INPP4B: variants seen among roughly 807,000 people sequenced by gnomAD.
The protein encoded by INPP4B is inositol polyphosphate 4-phosphatase type II.
In INPP4B, 55 loss-of-function variants were observed where a neutral mutation model predicts 122.5. The observed-to-expected ratio is 0.45, with a 90% confidence interval of 0.36 to 0.56. INPP4B has a LOEUF of 0.56. Among genes scored for constraint, INPP4B ranks in the 20% least tolerant of loss-of-function variants. INPP4B has a pLI of 0.00. For synonymous variants in INPP4B, 403 were observed against 388.7 expected, an observed-to-expected ratio of 1.04 and a Z score of -0.43; for missense variants, 1,000 against 1,097.7, an observed-to-expected ratio of 0.91 and a Z score of 1.26.
At chr4:142,474,431 C>T (rs1168461857) in intron 2 of INPP4B, 1 of 151,644 alleles carries the variant, frequency 6.6e-6, no homozygotes, top group African/African-American at 2.4e-5. Flanking sequence ...CAGGCACAGC[C>T]TCCTGTTGTC....
chr4:142,524,900 G>A (rs1332108699), intron 2 of INPP4B, among the ~76,000 whole-genome samples: 2 of 151,950 alleles, frequency 1.3e-5, no homozygotes, highest in African/African-American at 4.8e-5. Context: ...CAATCAGGCA[G>A]GAGAAGGAAA....
At chr4:142,158,165 A>G (rs1223544901) in intron 17 of INPP4B, among the ~76,000 whole-genome samples, 2 of 152,004 alleles carry the variant, frequency 1.3e-5, no homozygotes, top group South Asian at 4.1e-4. Flanking sequence ...CACACTAACT[A>G]CCTCTCTCTG....
chr4:142,098,347 C>G (rs566052851), intron 23 of INPP4B, among the ~76,000 whole-genome samples: 1 of 151,408 alleles, frequency 6.6e-6, no homozygotes, highest in Non-Finnish European at 1.5e-5. Flanking sequence ...AACAAACAAA[C>G]AACAACAACA....
At chr4:142,747,939 T>C (rs1375294619) in intron 1 of INPP4B, among the ~76,000 whole-genome samples, 1 of 152,000 alleles carries the variant, frequency 6.6e-6, no homozygotes, top group African/African-American at 2.4e-5. Flanking sequence ...GTTGATAGGG[T>C]GTAGCAAACC....
intron 2 of INPP4B, among the ~76,000 whole-genome samples, chr4:142,547,244 T>A (rs1445039055): frequency 6.6e-6 from 1 of 151,996 alleles, no homozygotes; most frequent in Non-Finnish European, 1.5e-5. Flanking sequence ...GTGTTTTGTA[T>A]ACAAGTAGTA....
At chr4:142,543,306 T>A (rs1027239902) in intron 2 of INPP4B, among the ~76,000 whole-genome samples, 6 of 152,166 alleles carry the variant, frequency 3.9e-5, no homozygotes, top group Non-Finnish European at 8.8e-5. Context: ...AACTGTCCTG[T>A]TACCATTCTA....
chr4:142,300,497 A>T (rs111432677), intron 9 of INPP4B, among the ~76,000 whole-genome samples: 1 of 152,174 alleles, frequency 6.6e-6, no homozygotes, highest in Non-Finnish European at 1.5e-5. Context: ...AAAGCTTAAA[A>T]ACCTCACAAT....
chr4:142,818,733 C>A (rs939936874), intron 1 of INPP4B, among the ~76,000 whole-genome samples: 4 of 152,104 alleles, frequency 2.6e-5, no homozygotes, highest in Admixed American at 2.6e-4. Context: ...TCTCCTCCTA[C>A]CACCACAACT....
intron 7 of INPP4B, among the ~76,000 whole-genome samples, chr4:142,383,220 A>C (rs1237152585): frequency 1.3e-5 from 2 of 152,120 alleles, no homozygotes; most frequent in Non-Finnish European, 2.9e-5. Flanking sequence ...CTATGCTTTT[A>C]ATTGAAATTT....
At chr4:142,171,972 AG>A (rs1438988470) in intron 16 of INPP4B, among the ~76,000 whole-genome samples, 1 of 151,928 alleles carries the variant, frequency 6.6e-6, no homozygotes, top group Non-Finnish European at 1.5e-5. Flanking sequence ...TTTTCAGCTT[AG>A]GTGAACCCAG....
At chr4:142,279,998 A>T (rs1750429640) in intron 9 of INPP4B, among the ~76,000 whole-genome samples, 1 of 151,992 alleles carries the variant, frequency 6.6e-6, no homozygotes. Context: ...ACATCCAAAG[A>T]TGTTGAACAT....
rs540609267 is a variant in INPP4B at position 142,339,625 on chromosome 4, A to G, written c.373-24863T>C. ...CGTCCCTCACACAATAATGTTTAGC[A>G]CCCTCTTGTTCATTCATTTTCACTA... On this transcript the variant is annotated intron_variant, in intron 7 of 25. Coordinates refer to ENST00000262992, the MANE Select transcript of INPP4B (RefSeq NM_001101669.3). Among the ~76,000 whole-genome samples, 6 of 152,214 alleles carry G rather than the reference A, an allele frequency of 3.9e-5. No individual in the cohort carries two copies. The East Asian group carries it at 9.7e-4, about 25-fold the overall frequency.
chr4:142,539,565 C>G (rs915387328), intron 2 of INPP4B, among the ~76,000 whole-genome samples: 5 of 151,910 alleles, frequency 3.3e-5, no homozygotes, highest in Non-Finnish European at 7.4e-5. Flanking sequence ...ATTTCTTATA[C>G]TGAATCTTGC....
chr4:142,823,419 A>G (rs531766759), intron 1 of INPP4B, among the ~76,000 whole-genome samples: 1 of 152,326 alleles, frequency 6.6e-6, no homozygotes, highest in East Asian at 1.9e-4. Flanking sequence ...CATAATAATA[A>G]AAGATGTAAA....
At chr4:142,481,829 G>A (rs931040505) in intron 2 of INPP4B, among the ~76,000 whole-genome samples, 1 of 152,104 alleles carries the variant, frequency 6.6e-6, no homozygotes, top group Non-Finnish European at 1.5e-5. Flanking sequence ...TAGCTATTGA[G>A]AACTGGCTAT....
chr4:142,844,294 A>G (rs2151221407), intron 1 of INPP4B, among the ~76,000 whole-genome samples: 1 of 152,356 alleles, frequency 6.6e-6, no homozygotes, highest in Non-Finnish European at 1.5e-5. Context: ...ACAAATAAAT[A>G]TTGATTTGCT....
chr4:142,591,626 G>GA (rs572456350), intron 2 of INPP4B, among the ~76,000 whole-genome samples: 1 of 151,582 alleles, frequency 6.6e-6, no homozygotes, highest in African/African-American at 2.4e-5. Flanking sequence ...ATGGCAAGAA[G>GA]AAAAAAAAGA....
intron 6 of INPP4B, among the ~76,000 whole-genome samples, chr4:142,404,740 C>G (rs1024101802): frequency 6.6e-6 from 1 of 151,950 alleles, no homozygotes; most frequent in African/African-American, 2.4e-5. Flanking sequence ...CTAAAGAATA[C>G]CGGGGGGAAA....
intron 2 of INPP4B, among the ~76,000 whole-genome samples, chr4:142,666,181 C>A (rs551301397): frequency 5.7e-4 from 86 of 152,100 alleles, no homozygotes; most frequent in Middle Eastern, 3.4e-3. Context: ...AAGTATAAAT[C>A]AAAATATTAA....
Sources: gnomAD v4.1 joint callset for allele counts (sites outside exome capture counted in the v4.1 genomes callset) on GRCh38, gnomAD v4.1.1 for gene constraint, MANE v1.5 for transcripts, NCBI Gene and HGNC (gene_info 2026-07-23, HGNC 2026-07-21) for gene names.